ABLIM1: variants seen among roughly 807,000 people sequenced by gnomAD.
ABLIM1 encodes the protein actin-binding LIM protein 1.
ABLIM1 carries 40 observed loss-of-function variants against 107.0 expected under a neutral mutation model. The ratio of observed to expected loss-of-function variants is 0.37; its 90% CI spans 0.29 to 0.49. The LOEUF (loss-of-function observed/expected upper bound fraction) is 0.49, where lower values mean the gene tolerates loss of function less well. Ranked by LOEUF, ABLIM1 falls within the 20% of genes least tolerant of loss-of-function variation. The probability of loss-of-function intolerance (pLI) is 0.97; values close to 1 mark genes in which losing one functional copy is unlikely to be tolerated. For synonymous variants in ABLIM1, 357 were observed against 357.3 expected (o/e 1.00, Z 0.01); for missense variants, 857 against 1,008.5 (o/e 0.85, Z 2.04).
chr10:114,547,631 T>C lies in ABLIM1; in HGVS notation c.800+19A>G. ...CCCGGTGCCCACTGAAAGGAACGCG[T>C]GCCCGCGCCCAGCCTTACTTGCTGA... On this transcript the variant is annotated intron_variant, in intron 5 of 22. Coordinates refer to ENST00000533213, the MANE Select transcript of ABLIM1 (RefSeq NM_002313.7). 3 of 1,613,056 alleles carry C rather than the reference T, an allele frequency of 1.9e-6. No individual in the cohort carries two copies. The highest frequency in any genetic ancestry group is 2.5e-6 in the Non-Finnish European group (3 of 1,179,798).
At chr10:114,704,633 G>C (rs1256504443) in intron 1 of ABLIM1, among the ~76,000 whole-genome samples, 2 of 151,142 alleles carry the variant, frequency 1.3e-5, no homozygotes, top group Non-Finnish European at 2.9e-5. Flanking sequence ...TCATTCTAAG[G>C]GGGGTGGGGG....
chr10:114,738,224 AT>A (rs2082221438), intron 1 of ABLIM1, among the ~76,000 whole-genome samples: 3 of 152,034 alleles, frequency 2.0e-5, no homozygotes, highest in Admixed American at 2.0e-4. Context: ...AATTTTTTGT[AT>A]TTTTAGTAGA....
chr10:114,684,016 G>A (rs1336278065), intron 1 of ABLIM1, among the ~76,000 whole-genome samples: 4 of 152,152 alleles, frequency 2.6e-5, no homozygotes, highest in East Asian at 1.9e-4. Context: ...CCTACTGTTG[G>A]TTGAGTTGAG....
intron 10 of ABLIM1, among the ~76,000 whole-genome samples, chr10:114,470,322 C>G (rs1210001523): frequency 2.0e-5 from 3 of 148,730 alleles, no homozygotes; most frequent in Non-Finnish European, 4.4e-5. Flanking sequence ...ACTTGGGAAG[C>G]TGAGGCAGCA....
At chr10:114,448,725 T>G (rs577022877) in intron 14 of ABLIM1, among the ~76,000 whole-genome samples, 1 of 152,144 alleles carries the variant, frequency 6.6e-6, no homozygotes, top group Non-Finnish European at 1.5e-5. Flanking sequence ...GGGATTCTCC[T>G]GCCTCAGCCT....
upstream of ABLIM1, among the ~76,000 whole-genome samples, chr10:114,688,635 A>G (rs2081000851): frequency 6.6e-6 from 1 of 152,342 alleles, no homozygotes; most frequent in South Asian, 2.1e-4. Context: ...CATTTTAAAG[A>G]TGAGGCAATT....
At chr10:114,549,150 CG>C (rs2067726766) in intron 4 of ABLIM1, among the ~76,000 whole-genome samples, 2 of 152,056 alleles carry the variant, frequency 1.3e-5, no homozygotes, top group African/African-American at 4.8e-5. Context: ...TTTGGGAGGC[CG>C]AGGCGGATGG....
rs547853063 is a variant in ABLIM1 at position 114,735,074 on chromosome 10, ATTCTAGGC to A, written c.-213+32979_-213+32986del. Among the ~76,000 whole-genome samples, 409 of 152,266 alleles carry A rather than the reference ATTCTAGGC, an allele frequency of 2.7e-3. 1 individual carries two copies. The highest frequency in any genetic ancestry group is 4.9e-3 in the Non-Finnish European group (334 of 68,022). On this transcript the variant is annotated intron_variant, in intron 1 of 15. Transcript: ENST00000651092. ...TTTTCTCTACCATGTACAAAATGCA[ATTCTAGGC>A]ACTTCAAAGGTTTACAAAGACAAGA...
chr10:114,648,735 T>G (rs1450338564), intron 1 of ABLIM1, among the ~76,000 whole-genome samples: 2 of 152,210 alleles, frequency 1.3e-5, no homozygotes, highest in Non-Finnish European at 2.9e-5. Flanking sequence ...TACCAAGCAC[T>G]GCGTTATAGT....
At chr10:114,769,172 G>GAAAAAAAAA (rs35691537), upstream of ABLIM1, among the ~76,000 whole-genome samples, 15 of 46,520 alleles carry the variant, frequency 3.2e-4, no homozygotes, top group South Asian at 1.3e-3. Context: ...TGTCTTCAAT[G>GAAAAAAAAA]AAAAAAAAAA....
chr10:114,801,294 A>G, the ABLIM1 span, among the ~76,000 whole-genome samples: 2 of 152,140 alleles, frequency 1.3e-5, no homozygotes, highest in Admixed American at 6.5e-5. Context: ...GGAAAAGAAA[A>G]TATATTTACC....
intron 1 of ABLIM1, among the ~76,000 whole-genome samples, chr10:114,740,404 T>A (rs1191409717): frequency 6.6e-6 from 1 of 152,138 alleles, no homozygotes; most frequent in Non-Finnish European, 1.5e-5. Context: ...CGGGAATTTT[T>A]TTTTTTTAAT....
At chr10:114,594,340 A>G (rs2075205864) in intron 2 of ABLIM1, among the ~76,000 whole-genome samples, 1 of 152,206 alleles carries the variant, frequency 6.6e-6, no homozygotes, top group African/African-American at 2.4e-5. Flanking sequence ...TCTGTGATAG[A>G]TATCTTTACT....
At chr10:114,745,475 C>T (rs905829475) in intron 1 of ABLIM1, among the ~76,000 whole-genome samples, 2 of 152,136 alleles carry the variant, frequency 1.3e-5, no homozygotes, top group Non-Finnish European at 1.5e-5. Flanking sequence ...GCAGGATAAT[C>T]GCTGGAACCT....
chr10:114,638,995 C>G (rs1210097045), intron 1 of ABLIM1, among the ~76,000 whole-genome samples: 1 of 152,192 alleles, frequency 6.6e-6, no homozygotes, highest in African/African-American at 2.4e-5. Flanking sequence ...TTTATGTAGA[C>G]AGCAAGTTAA....
intron 18 of ABLIM1, 137 bp from the exon 19 acceptor site, chr10:114,441,214 A>G (rs1256242522): frequency 2.2e-6 from 2 of 906,522 alleles, no homozygotes; most frequent in Non-Finnish European, 3.3e-6. Flanking sequence ...TTTTTTCCCT[A>G]TGATTCTTCT....
intron 1 of ABLIM1, among the ~76,000 whole-genome samples, chr10:114,692,446 AAAAC>A (rs148187068): frequency 0.019 from 2,960 of 152,344 alleles, 84 homozygotes; most frequent in African/African-American, 0.063. Flanking sequence ...GAGCTTGTCA[AAAAC>A]AAACAAACAA....
intron 10 of ABLIM1, among the ~76,000 whole-genome samples, chr10:114,471,283 A>G (rs2066492649): frequency 6.6e-6 from 1 of 152,144 alleles, no homozygotes; most frequent in Admixed American, 6.5e-5. Flanking sequence ...GCTGCTGGGA[A>G]ACGCACACAG....
At chr10:114,542,792 C>T (rs942039818) in intron 6 of ABLIM1, among the ~76,000 whole-genome samples, 2 of 152,248 alleles carry the variant, frequency 1.3e-5, no homozygotes, top group Non-Finnish European at 2.9e-5. Flanking sequence ...GACTCAGGGC[C>T]AGGAGGGGAG....
Sources: allele counts gnomAD v4.1 joint callset (sites outside exome capture counted in the v4.1 genomes callset), GRCh38; gene constraint gnomAD v4.1.1; transcripts MANE v1.5; gene names NCBI Gene and HGNC (gene_info 2026-07-23, HGNC 2026-07-21).